Variants in NECTIN1 observed in about 807,000 individuals in gnomAD.
The protein encoded by NECTIN1 is nectin-1.
In NECTIN1, 23 loss-of-function variants were observed where a neutral mutation model predicts 48.0. That is an observed-to-expected ratio of 0.48 (90% confidence interval 0.34 to 0.68). The LOEUF (loss-of-function observed/expected upper bound fraction) is 0.68. NECTIN1 is among the 30% of genes least tolerant of loss of function. NECTIN1 has a pLI of 0.01. For missense variants in NECTIN1, 591 were observed against 709.9 expected (o/e 0.83, Z 1.90); for synonymous variants, 270 against 288.9 (o/e 0.93, Z 0.66).
chr11:119,728,554 C>T lies in NECTIN1; in HGVS notation c.-1G>A. 3.8e-6 allele frequency: 6 copies of T among 1,570,908 alleles called. No homozygotes were observed. Among genetic ancestry groups the T allele is most frequent in the Non-Finnish European group, 5.2e-6 (6 of 1,157,290 alleles). On this transcript the variant is annotated 5_prime_UTR_variant, in exon 1 of 6. Coordinates refer to ENST00000264025, the MANE Select transcript of NECTIN1 (RefSeq NM_002855.5). Reference sequence around the variant, plus strand: ...CGCCCGCAAGCCCCATCCGAGCCATCGGGGGCCGGGGGTCCGGCGAGAGGG... The same window carrying T: ...CGCCCGCAAGCCCCATCCGAGCCATTGGGGGCCGGGGGTCCGGCGAGAGGG...
At position 119,678,671 on chromosome 11, in the gene NECTIN1, G is replaced by A; in HGVS notation, c.174C>T (p.Pro58=). ...ATGTGACCTGGGTGATCTTCACGCT[G>A]GGAAGCGGGTTGGCAAAGCTGCAGT... ...VLHCSFANPL[P]SVKITQVTWQ... The change falls in exon 2 of 6, where the codon CCC becomes CCT. Residue 58 remains proline (P), a synonymous_variant. Coordinates refer to ENST00000264025, the MANE Select transcript of NECTIN1 (RefSeq NM_002855.5). The surrounding 1 kb of genome is among the most constrained non-coding windows in gnomAD (Gnocchi z 4.4). 3 of 1,614,032 alleles carry A rather than the reference G, an allele frequency of 1.9e-6. No individual in the cohort carries two copies. The highest frequency in any genetic ancestry group is 2.5e-6 in the Non-Finnish European group (3 of 1,180,014).
chr11:119,702,127 T>C (rs1865466771), intron 1 of NECTIN1, among the ~76,000 whole-genome samples: 1 of 152,202 alleles, frequency 6.6e-6, no homozygotes, highest in Non-Finnish European at 1.5e-5. Flanking sequence ...GCCCTCTTCC[T>C]GTGGGACAGT....
At chr11:119,723,764 G>T (rs964574762) in intron 1 of NECTIN1, among the ~76,000 whole-genome samples, 1 of 152,184 alleles carries the variant, frequency 6.6e-6, no homozygotes, top group African/African-American at 2.4e-5. Flanking sequence ...AGAGTTAACT[G>T]GACTAAAGGG....
chr11:119,657,325 G>A (rs1420611998), downstream of NECTIN1, among the ~76,000 whole-genome samples: 6 of 152,006 alleles, frequency 3.9e-5, no homozygotes, highest in Non-Finnish European at 5.9e-5. Flanking sequence ...TTAAAAATAC[G>A]CCTGTTAGGG....
intron 1 of NECTIN1, among the ~76,000 whole-genome samples, chr11:119,708,904 G>T (rs1002690142): frequency 3.3e-5 from 5 of 152,040 alleles, no homozygotes; most frequent in African/African-American, 1.2e-4. Flanking sequence ...GGGCCCTGGG[G>T]TCCCACGGCT....
At chr11:119,642,204 C>G (rs1475825083) in intron 5 of NECTIN1, 1 of 152,308 alleles carries the variant, frequency 6.6e-6, no homozygotes, top group South Asian at 2.1e-4. Context: ...TGGAATCTCA[C>G]CTTCCACTAG....
chr11:119,680,912 T>G (rs533844622), intron 1 of NECTIN1, among the ~76,000 whole-genome samples: 71 of 152,378 alleles, frequency 4.7e-4, no homozygotes, highest in Admixed American at 9.1e-4. Context: ...TTGGGAAGGC[T>G]GGGCTGTAGC....
At chr11:119,652,656 G>T (rs770288812) in intron 5 of NECTIN1, among the ~76,000 whole-genome samples, 3 of 152,180 alleles carry the variant, frequency 2.0e-5, no homozygotes, top group Non-Finnish European at 2.9e-5. Context: ...TTGCCAGAAA[G>T]ACTAAAAGAT....
At chr11:119,726,316 C>T (rs1436416256) in intron 1 of NECTIN1, among the ~76,000 whole-genome samples, 1 of 152,146 alleles carries the variant, frequency 6.6e-6, no homozygotes, top group Admixed American at 6.5e-5. Flanking sequence ...AAGTGTCAGA[C>T]TGGGCACAAC....
chr11:119,714,297 G>T (rs369020147), intron 1 of NECTIN1, among the ~76,000 whole-genome samples: 11 of 152,272 alleles, frequency 7.2e-5, no homozygotes, highest in African/African-American at 2.4e-4. Flanking sequence ...CCAAAAGCGG[G>T]GTGCCTCACC....
intron 5 of NECTIN1, among the ~76,000 whole-genome samples, chr11:119,668,584 G>A (rs769718364): frequency 1.4e-4 from 21 of 152,086 alleles, no homozygotes; most frequent in Non-Finnish European, 2.8e-4. Flanking sequence ...CCTCCCCACC[G>A]ATTGCACTTC....
In NECTIN1 at chr11:119,709,579, G is replaced by C. The variant is rs1865601753; in HGVS notation, c.79+18896C>G. Among the ~76,000 whole-genome samples the C allele has an allele frequency of 6.6e-6, 1 of 152,136 alleles. No individual in the cohort carries two copies. The highest frequency in any genetic ancestry group is 2.4e-5 in the African/African-American group (1 of 41,438). Reference sequence around the variant, plus strand: ...GCTAGCTCCCTAGTCTGTAAGGGCAGAAGGTGCTCTTGAATGGAAGCAGGG... The same window carrying C: ...GCTAGCTCCCTAGTCTGTAAGGGCACAAGGTGCTCTTGAATGGAAGCAGGG... On this transcript the variant is annotated intron_variant, in intron 1 of 5. Transcript: ENST00000264025. The surrounding 1 kb of genome is among the most constrained non-coding windows in gnomAD (Gnocchi z 4.1).
chr11:119,662,407 A>T lies in NECTIN1; in HGVS notation c.*2340T>A. On this transcript the variant is annotated 3_prime_UTR_variant, in exon 6 of 6. Coordinates refer to ENST00000264025, the MANE Select transcript of NECTIN1 (RefSeq NM_002855.5). This position sits in a 1 kb window ranked among gnomAD's most constrained non-coding sequence, Gnocchi z 5.3. The stretch of plus-strand genomic sequence containing the variant: ...GCTGAGGCTGGGCCCCTGGCAAGTC[A>T]GGAGCCTCCTACGTGGCCCATGCTA... 1 of 985,764 alleles carries T rather than the reference A, an allele frequency of 1.0e-6. No homozygotes were observed. The highest frequency in any genetic ancestry group is 1.1e-4 in the East Asian group (1 of 8,768). The allele number at this position is 985,764 out of a possible 1,614,324, so 61.1% of individuals were successfully genotyped here.
chr11:119,658,548 C>A (rs1236559897), downstream of NECTIN1, among the ~76,000 whole-genome samples: 1 of 152,152 alleles, frequency 6.6e-6, no homozygotes, highest in African/African-American at 2.4e-5. Context: ...AGCTGGCACT[C>A]CCCTCAAGCA....
At chr11:119,671,631 C>T (rs187177766) in intron 5 of NECTIN1, among the ~76,000 whole-genome samples, 10 of 152,278 alleles carry the variant, frequency 6.6e-5, no homozygotes, top group East Asian at 3.9e-4. Flanking sequence ...GGAAATGCTC[C>T]GGCATCAGAT....
At chr11:119,689,244 G>C (rs573805490) in intron 1 of NECTIN1, among the ~76,000 whole-genome samples, 117 of 152,298 alleles carry the variant, frequency 7.7e-4, no homozygotes, top group Non-Finnish European at 1.5e-3. Flanking sequence ...CCTGGGCCTG[G>C]TTCTCCTGGC....
chr11:119,723,965 C>A (rs890085871), intron 1 of NECTIN1, among the ~76,000 whole-genome samples: 1 of 152,190 alleles, frequency 6.6e-6, no homozygotes, highest in African/African-American at 2.4e-5. Context: ...GGACCACCCT[C>A]TTCCCCACTC....
In NECTIN1 at chr11:119,717,266, C is replaced by T. The variant is rs370664862; in HGVS notation, c.79+11209G>A. On this transcript the variant is annotated intron_variant, in intron 1 of 5. Transcript: ENST00000264025. ...TGCTGTGGTCAGGGCAGAGGCAGGC[C>T]GGGAGCAGGGGGCTGTCGCACACGT... Among the ~76,000 whole-genome samples, 11 of 152,292 alleles carry T rather than the reference C, an allele frequency of 7.2e-5. No homozygotes were observed. In the East Asian group the frequency reaches 7.7e-4, roughly 11 times the overall value.
Position 119,712,315 on chromosome 11 carries a change from C to T in NECTIN1, c.79+16160G>A, listed in dbSNP as rs565116095. Among the ~76,000 whole-genome samples the T allele has an allele frequency of 7.9e-5, 12 of 152,092 alleles. No individual in the cohort carries two copies. The South Asian group carries it at 8.3e-4, about 11-fold the overall frequency. On this transcript the variant is annotated intron_variant, in intron 1 of 5. Coordinates refer to ENST00000264025, the MANE Select transcript of NECTIN1 (RefSeq NM_002855.5). Reference sequence around the variant, plus strand: ...CCTCCAGGTTTCAGAATCAAGGTCACGGTCCCAGAGAAGCCTCCCCTCCCC... The same window carrying T: ...CCTCCAGGTTTCAGAATCAAGGTCATGGTCCCAGAGAAGCCTCCCCTCCCC...
Sources: allele counts gnomAD v4.1 joint callset (sites outside exome capture counted in the v4.1 genomes callset), GRCh38; gene constraint gnomAD v4.1.1; non-coding constraint Gnocchi (gnomAD v3.1); transcripts MANE v1.5; gene names NCBI Gene and HGNC (gene_info 2026-07-23, HGNC 2026-07-21).